RPH3A: variants seen among roughly 807,000 people sequenced by gnomAD.
RPH3A encodes the protein rabphilin-3A.
RPH3A carries 48 observed loss-of-function variants against 102.2 expected under a neutral mutation model. The ratio of observed to expected loss-of-function variants is 0.47; its 90% CI spans 0.37 to 0.60. The LOEUF (loss-of-function observed/expected upper bound fraction) is 0.60, where lower values mean the gene tolerates loss of function less well. RPH3A is among the 20% of genes least tolerant of loss of function. The probability of loss-of-function intolerance (pLI) is 0.00; values close to 1 mark genes in which losing one functional copy is unlikely to be tolerated. For synonymous variants in RPH3A, 310 were observed against 324.3 expected (o/e 0.96, Z 0.47); for missense variants, 781 against 910.1 (o/e 0.86, Z 1.83).
At chr12:112,817,823 G>A (rs903725497) in intron 2 of RPH3A, among the ~76,000 whole-genome samples, 2 of 152,108 alleles carry the variant, frequency 1.3e-5, no homozygotes, top group Non-Finnish European at 2.9e-5. Context: ...GTGCCTCTGA[G>A]GTAGAGGAGG....
intron 2 of RPH3A, among the ~76,000 whole-genome samples, chr12:112,823,276 G>A (rs1219785282): frequency 1.3e-5 from 2 of 152,226 alleles, no homozygotes; most frequent in Non-Finnish European, 2.9e-5. Flanking sequence ...AAGCACATGG[G>A]CTTTGGAGTC....
At chr12:112,809,766 T>C (rs1267751544) in intron 2 of RPH3A, among the ~76,000 whole-genome samples, 2 of 152,272 alleles carry the variant, frequency 1.3e-5, no homozygotes, top group East Asian at 3.9e-4. Flanking sequence ...CTGTGACATG[T>C]CTGGAGTTAA....
intron 1 of RPH3A, among the ~76,000 whole-genome samples, chr12:112,648,334 G>A (rs910294647): frequency 6.6e-6 from 1 of 151,818 alleles, no homozygotes; most frequent in South Asian, 2.1e-4. Flanking sequence ...CCAGTTAATG[G>A]ACATTTAGGT....
rs375455750 is a variant in RPH3A at position 112,834,858 on chromosome 12, A to G, written c.72-1633A>G. 1.6e-4 allele frequency among the ~76,000 whole-genome samples: 24 copies of G among 149,460 alleles called. No homozygotes were observed. The East Asian group carries it at 3.9e-3, about 24-fold the overall frequency. On this transcript the variant is annotated intron_variant, in intron 3 of 21. Transcript: ENST00000389385. ...TAGATAAAATCCCTTGTGGATATAC[A>G]TGTTACAAATACTCTCTCCAAGTCT...
chr12:112,775,826 A>C (rs2040962015), intron 1 of RPH3A, among the ~76,000 whole-genome samples: 1 of 152,232 alleles, frequency 6.6e-6, no homozygotes, highest in Non-Finnish European at 1.5e-5. Context: ...CACATAAAAT[A>C]CAGAGAAAGG....
At chr12:112,739,343 A>G (rs530927196) in intron 1 of RPH3A, among the ~76,000 whole-genome samples, 1 of 152,312 alleles carries the variant, frequency 6.6e-6, no homozygotes, top group African/African-American at 2.4e-5. Context: ...GTATAATTCT[A>G]TCCTCCATTT....
intron 1 of RPH3A, among the ~76,000 whole-genome samples, chr12:112,634,614 T>C (rs1391040591): frequency 6.6e-6 from 1 of 152,152 alleles, no homozygotes; most frequent in Non-Finnish European, 1.5e-5. Context: ...ACTGCTGTTT[T>C]GGTGATTTAT....
intron 1 of RPH3A, among the ~76,000 whole-genome samples, chr12:112,602,511 C>T (rs1356282286): frequency 2.0e-5 from 3 of 152,200 alleles, no homozygotes; most frequent in African/African-American, 7.2e-5. Flanking sequence ...GTGTTCTCAT[C>T]ACTGCAGAAA....
chr12:112,742,671 T>G (rs1320049182), intron 1 of RPH3A, among the ~76,000 whole-genome samples: 2 of 152,104 alleles, frequency 1.3e-5, no homozygotes, highest in African/African-American at 4.8e-5. Flanking sequence ...AAAGTCAGGT[T>G]TATTGCTGGG....
chr12:112,731,188 G>GGTGTGTGT (rs3839972), intron 1 of RPH3A, among the ~76,000 whole-genome samples: 1 of 149,742 alleles, frequency 6.7e-6, no homozygotes, highest in Admixed American at 6.7e-5. Context: ...TTCATTTGAT[G>GGTGTGTGT]GTGTGTGTGT....
chr12:112,696,541 G>A (rs1592949209), intron 1 of RPH3A, among the ~76,000 whole-genome samples: 2 of 152,306 alleles, frequency 1.3e-5, no homozygotes, highest in Middle Eastern at 6.8e-3. Context: ...CTGAAGCTCA[G>A]ACTCTTCATT....
chr12:112,585,835 A>T (rs2039435342), intron 1 of RPH3A, among the ~76,000 whole-genome samples: 1 of 152,196 alleles, frequency 6.6e-6, no homozygotes, highest in Non-Finnish European at 1.5e-5. Context: ...TGATGTTGAG[A>T]TTCAATAAGG....
At chr12:112,859,222 G>A (rs114600792) in intron 5 of RPH3A, among the ~76,000 whole-genome samples, 7,086 of 152,180 alleles carry the variant, frequency 0.047, 566 homozygotes, top group African/African-American at 0.16. Flanking sequence ...CTGAGAATCC[G>A]GAATGCTGCA....
At chr12:112,649,651 G>A (rs2039959497) in intron 1 of RPH3A, among the ~76,000 whole-genome samples, 1 of 152,228 alleles carries the variant, frequency 6.6e-6, no homozygotes, top group Admixed American at 6.5e-5. Flanking sequence ...ATAAGCTCCA[G>A]GAAGGCAGAC....
At chr12:112,771,603 A>T (rs1009274760) in intron 1 of RPH3A, among the ~76,000 whole-genome samples, 2 of 152,228 alleles carry the variant, frequency 1.3e-5, no homozygotes, top group African/African-American at 4.8e-5. Context: ...AGTCAAAGAG[A>T]TGTGTATTTA....
chr12:112,870,067 A>G (rs761799523), intron 10 of RPH3A, 28 bp downstream of exon 10: 3 of 1,595,586 alleles, frequency 1.9e-6, no homozygotes, highest in Non-Finnish European at 1.7e-6. Flanking sequence ...ATCCAGAGAC[A>G]GTTCTCTGGA....
At chr12:112,736,793 T>C (rs1376520825) in intron 1 of RPH3A, among the ~76,000 whole-genome samples, 1 of 152,116 alleles carries the variant, frequency 6.6e-6, no homozygotes, top group Admixed American at 6.6e-5. Context: ...CAGGCAGACA[T>C]GGATAGGTGG....
At chr12:112,660,990 G>A (rs1413139988) in intron 1 of RPH3A, among the ~76,000 whole-genome samples, 1 of 152,182 alleles carries the variant, frequency 6.6e-6, no homozygotes, top group African/African-American at 2.4e-5. Flanking sequence ...AGGGAAAGGA[G>A]TCTGCCTTCA....
intron 1 of RPH3A, among the ~76,000 whole-genome samples, chr12:112,769,521 A>C (rs918223664): frequency 3.3e-4 from 51 of 152,248 alleles, no homozygotes; most frequent in Non-Finnish European, 1.6e-4. Context: ...TAGAGATCTA[A>C]CCATGTTACG....
Sources: allele counts gnomAD v4.1 joint callset (sites outside exome capture counted in the v4.1 genomes callset), GRCh38; gene constraint gnomAD v4.1.1; transcripts MANE v1.5; gene names NCBI Gene and HGNC (gene_info 2026-07-23, HGNC 2026-07-21).